Variants in FBXL17 observed in about 807,000 individuals in gnomAD.
FBXL17 encodes F-box and leucine rich repeat protein 17, also known as F-box/LRR-repeat protein 17.
FBXL17 carries 22 observed loss-of-function variants against 66.2 expected under a neutral mutation model. That is an observed-to-expected ratio of 0.33 (90% CI 0.24 to 0.47). The LOEUF is 0.47. Ranked by LOEUF, FBXL17 falls within the 20% of genes least tolerant of loss-of-function variation. The pLI, the probability that FBXL17 is intolerant of heterozygous loss-of-function variation, is 1.00. For missense variants in FBXL17, 878 were observed against 948.2 expected, an observed-to-expected ratio of 0.93 and a Z score of 0.97; for synonymous variants, 474 against 400.5, an observed-to-expected ratio of 1.18 and a Z score of -2.19.
intron 7 of FBXL17, 79 bp downstream of exon 7, chr5:108,020,846 T>G (rs1030212024): frequency 3.9e-6 from 4 of 1,016,804 alleles, no homozygotes; most frequent in Admixed American, 3.5e-5. Context: ...ATATAGTTCT[T>G]GATTTCTTTT....
At chr5:107,899,555 T>C (rs1749497717) in intron 7 of FBXL17, among the ~76,000 whole-genome samples, 1 of 152,200 alleles carries the variant, frequency 6.6e-6, no homozygotes. Flanking sequence ...GAGGATCACC[T>C]GAGCCCAGGA....
intron 4 of FBXL17, among the ~76,000 whole-genome samples, chr5:108,318,128 A>G (rs1759455878): frequency 6.6e-6 from 1 of 151,682 alleles, no homozygotes; most frequent in Non-Finnish European, 1.5e-5. Flanking sequence ...CTAATATAAA[A>G]GGAGAAAAAA....
chr5:108,117,055 T>C (rs1750287530), intron 6 of FBXL17, among the ~76,000 whole-genome samples: 1 of 152,364 alleles, frequency 6.6e-6, no homozygotes, highest in East Asian at 1.9e-4. Flanking sequence ...AGGCTTGTAG[T>C]TTTTATTTAA....
At chr5:108,226,111 T>C (rs1406798087) in intron 4 of FBXL17, among the ~76,000 whole-genome samples, 1 of 152,172 alleles carries the variant, frequency 6.6e-6, no homozygotes, top group Non-Finnish European at 1.5e-5. Context: ...CACTTATCAC[T>C]ACTGATCACA....
chr5:108,365,075 A>G (rs1467310992), intron 2 of FBXL17, 80 bp from the exon 3 acceptor site: 1 of 967,698 alleles, frequency 1.0e-6, no homozygotes, highest in Non-Finnish European at 1.5e-6. Flanking sequence ...AATGTTCCAC[A>G]ATAAACAATA....
chr5:108,257,171 C>T (rs1176016260), intron 4 of FBXL17, among the ~76,000 whole-genome samples: 1 of 152,050 alleles, frequency 6.6e-6, no homozygotes, highest in African/African-American at 2.4e-5. Flanking sequence ...TTTAATGTGA[C>T]GTAATGAAAA....
chr5:108,154,153 T>C (rs1751874934), intron 6 of FBXL17, among the ~76,000 whole-genome samples: 1 of 151,484 alleles, frequency 6.6e-6, no homozygotes, highest in African/African-American at 2.4e-5. Flanking sequence ...TGAATTTGGA[T>C]AGTGAAGAAC....
intron 4 of FBXL17, among the ~76,000 whole-genome samples, chr5:108,275,587 C>T (rs1757452131): frequency 6.6e-6 from 1 of 152,148 alleles, no homozygotes; most frequent in Non-Finnish European, 1.5e-5. Flanking sequence ...CAATGAAGTG[C>T]TACCTGTGTC....
intron 7 of FBXL17, among the ~76,000 whole-genome samples, chr5:107,940,596 T>TATTAGAGAA (rs1367246860): frequency 6.6e-6 from 1 of 152,158 alleles, no homozygotes; most frequent in African/African-American, 2.4e-5. Flanking sequence ...TAGGACTGCC[T>TATTAGAGAA]ATTAGAGAAA....
intron 7 of FBXL17, among the ~76,000 whole-genome samples, chr5:108,018,019 G>A (rs539074513): frequency 2.0e-5 from 3 of 152,110 alleles, no homozygotes; most frequent in Admixed American, 6.6e-5. Flanking sequence ...GCCAGGTGAG[G>A]AGCTGTTCCT....
At chr5:108,259,192 A>C (rs1290210649) in intron 4 of FBXL17, among the ~76,000 whole-genome samples, 1 of 152,232 alleles carries the variant, frequency 6.6e-6, no homozygotes, top group Non-Finnish European at 1.5e-5. Context: ...GAGATCTGAT[A>C]TAAGAGGAAA....
At chr5:107,998,263 G>C (rs1440713481) in intron 7 of FBXL17, among the ~76,000 whole-genome samples, 1 of 152,080 alleles carries the variant, frequency 6.6e-6, no homozygotes, top group East Asian at 1.9e-4. Flanking sequence ...TATCTATGCA[G>C]CTCACATTTG....
intron 6 of FBXL17, among the ~76,000 whole-genome samples, chr5:108,173,087 C>A (rs1276803393): frequency 6.6e-6 from 1 of 152,126 alleles, no homozygotes; most frequent in Non-Finnish European, 1.5e-5. Context: ...AGGTGTGAGC[C>A]ACTGTGCCCG....
intron 8 of FBXL17, among the ~76,000 whole-genome samples, chr5:107,866,516 C>G (rs983011516): frequency 6.6e-6 from 1 of 152,086 alleles, no homozygotes; most frequent in African/African-American, 2.4e-5. Context: ...CCGCTCTTAA[C>G]GGAAGGGTGA....
rs1230931677 is a variant in FBXL17 at position 108,224,178 on chromosome 5, T to C, written c.1557A>G (p.Gln519=). The change falls in exon 5 of 9, where the codon CAA becomes CAG. Residue 519 remains glutamine, a synonymous_variant. Coordinates refer to ENST00000542267, the MANE Select transcript of FBXL17 (RefSeq NM_001163315.3). ...KAFAEHCPEL[Q]YVGFMGCSVT... Reference sequence around the variant, plus strand: ...CTGAACAACCCATGAAGCCTACATATTGAAGCTCAGGACAGTGTTCAGCAA... The same window carrying C: ...CTGAACAACCCATGAAGCCTACATACTGAAGCTCAGGACAGTGTTCAGCAA... 5 of 1,611,956 alleles carry C rather than the reference T, an allele frequency of 3.1e-6. No homozygotes were observed. The highest frequency in any genetic ancestry group is 1.3e-5 in the African/African-American group (1 of 75,000).
intron 5 of FBXL17, among the ~76,000 whole-genome samples, chr5:108,221,001 A>G (rs2966805): frequency 0.28 from 42,522 of 152,058 alleles, 6,536 homozygotes; most frequent in Middle Eastern, 0.37. Context: ...CTAAGTTTCC[A>G]AACAGTCCCA....
chr5:108,119,803 T>C (rs1171901654), intron 6 of FBXL17, among the ~76,000 whole-genome samples: 1 of 152,240 alleles, frequency 6.6e-6, no homozygotes, highest in Non-Finnish European at 1.5e-5. Flanking sequence ...CCCTATGATT[T>C]TAAATAATTC....
chr5:107,954,220 A>T (rs1561337192), intron 7 of FBXL17, among the ~76,000 whole-genome samples: 1 of 152,248 alleles, frequency 6.6e-6, no homozygotes, highest in Non-Finnish European at 1.5e-5. Context: ...GAGAAGAAAG[A>T]AAGTATGAGA....
At chr5:108,371,057 G>A (rs905846846) in intron 1 of FBXL17, among the ~76,000 whole-genome samples, 2 of 152,090 alleles carry the variant, frequency 1.3e-5, no homozygotes, top group East Asian at 3.9e-4. Flanking sequence ...AAAATTCAGA[G>A]AAAAAGCTAT....
Sources: allele counts gnomAD v4.1 joint callset (sites outside exome capture counted in the v4.1 genomes callset), GRCh38; gene constraint gnomAD v4.1.1; transcripts MANE v1.5; gene names NCBI Gene and HGNC (gene_info 2026-07-23, HGNC 2026-07-21).